ANO2: variants seen among roughly 807,000 people sequenced by gnomAD.
ANO2 encodes the protein anoctamin 2.
Under a neutral mutation model 124.2 loss-of-function variants are expected in ANO2, and 101 were observed. That is an observed-to-expected ratio of 0.81 (90% CI 0.69 to 0.96). The LOEUF (loss-of-function observed/expected upper bound fraction) is 0.96. Ranked by LOEUF, ANO2 falls within the 40% of genes least tolerant of loss-of-function variation. The pLI is 0.00. For synonymous variants in ANO2, 486 were observed against 482.5 expected (o/e 1.01, Z -0.09); for missense variants, 1,293 against 1,274.5 (o/e 1.01, Z -0.22).
At chr12:5,762,808 C>T (rs376243976) in intron 10 of ANO2, among the ~76,000 whole-genome samples, 1 of 151,254 alleles carries the variant, frequency 6.6e-6, no homozygotes, top group East Asian at 1.9e-4. Context: ...TCAAGACTTT[C>T]TTGGAGTATT....
intron 14 of ANO2, among the ~76,000 whole-genome samples, chr12:5,694,972 A>T (rs1316498093): frequency 6.6e-6 from 1 of 152,136 alleles, no homozygotes; most frequent in East Asian, 1.9e-4. Context: ...AGATGAAGTG[A>T]GTTGGCACTT....
chr12:5,582,780 T>G (rs1942821878), intron 20 of ANO2, among the ~76,000 whole-genome samples: 1 of 152,214 alleles, frequency 6.6e-6, no homozygotes, highest in African/African-American at 2.4e-5. Context: ...TTTCTGAGCC[T>G]TGGTACATGC....
At position 5,594,600 on chromosome 12, in the gene ANO2, C is replaced by A. The variant is rs145304327; in HGVS notation, c.2233+4884G>T. Among the ~76,000 whole-genome samples, 409 of 152,306 alleles carry A rather than the reference C, an allele frequency of 2.7e-3. 4 individuals are homozygous for A. Among genetic ancestry groups the A allele is most frequent in the African/African-American group, 9.5e-3 (396 of 41,564 alleles). On this transcript the variant is annotated intron_variant, in intron 20 of 24. Transcript: ENST00000682330. ...CCTGTAATCCCAGCAATTTCAGAGG[C>A]CAAGGCGGGAGGATTGCTTGAGTTC...
intron 23 of ANO2, among the ~76,000 whole-genome samples, chr12:5,571,738 G>A (rs1483834602): frequency 6.6e-6 from 1 of 151,580 alleles, no homozygotes; most frequent in Non-Finnish European, 1.5e-5. Flanking sequence ...ACACATATAT[G>A]TATACGGAAT....
intron 10 of ANO2, among the ~76,000 whole-genome samples, chr12:5,768,357 C>T (rs750833666): frequency 3.4e-4 from 52 of 152,176 alleles, no homozygotes; most frequent in African/African-American, 7.2e-5. Flanking sequence ...CATATTCCCG[C>T]CACCCCATTC....
chr12:5,662,001 C>G (rs1178614686), intron 14 of ANO2, among the ~76,000 whole-genome samples: 1 of 152,344 alleles, frequency 6.6e-6, no homozygotes, highest in Non-Finnish European at 1.5e-5. Context: ...GCCAACTCGC[C>G]AACTGGCTCC....
chr12:5,907,401 T>C (rs1940771989), intron 3 of ANO2, among the ~76,000 whole-genome samples: 1 of 152,246 alleles, frequency 6.6e-6, no homozygotes, highest in African/African-American at 2.4e-5. Context: ...AAACTCATAA[T>C]CATGGTATTC....
chr12:5,885,915 C>T (rs1056866896), intron 3 of ANO2, among the ~76,000 whole-genome samples: 4 of 151,916 alleles, frequency 2.6e-5, no homozygotes, highest in African/African-American at 9.7e-5. Flanking sequence ...ATCTGTCTTC[C>T]TGGAGATCTG....
intron 14 of ANO2, among the ~76,000 whole-genome samples, chr12:5,706,681 T>C (rs1336595354): frequency 6.6e-6 from 1 of 152,218 alleles, no homozygotes; most frequent in Non-Finnish European, 1.5e-5. Flanking sequence ...CTGTCTGTCC[T>C]CCTGCCACTG....
At chr12:5,609,855 C>T (rs948274486) in intron 19 of ANO2, among the ~76,000 whole-genome samples, 3 of 146,118 alleles carry the variant, frequency 2.1e-5, no homozygotes, top group Non-Finnish European at 4.5e-5. Context: ...TAGTCTATTG[C>T]TTGTTTAGAA....
intron 14 of ANO2, among the ~76,000 whole-genome samples, chr12:5,716,101 TA>T (rs1950013113): frequency 6.6e-6 from 1 of 152,212 alleles, no homozygotes; most frequent in Non-Finnish European, 1.5e-5. Context: ...GGAGATGAAA[TA>T]ATAGCTGATT....
At chr12:5,779,078 T>A (rs1050679729) in intron 10 of ANO2, among the ~76,000 whole-genome samples, 1 of 152,222 alleles carries the variant, frequency 6.6e-6, no homozygotes, top group African/African-American at 2.4e-5. Context: ...AAGAGTTGAA[T>A]CAAATGACCT....
chr12:5,565,436 A>C (rs1324830961), intron 24 of ANO2, 122 bp downstream of exon 24: 30 of 879,434 alleles, frequency 3.4e-5, no homozygotes, highest in Non-Finnish European at 4.2e-5. Context: ...CCTGCCACAC[A>C]TGAAGCTTTC....
At chr12:5,801,710 G>T (rs1041049726) in intron 9 of ANO2, among the ~76,000 whole-genome samples, 2 of 152,230 alleles carry the variant, frequency 1.3e-5, no homozygotes, top group African/African-American at 2.4e-5. Context: ...CACTCGCAAT[G>T]GAGGAAACCC....
intron 14 of ANO2, among the ~76,000 whole-genome samples, chr12:5,648,849 G>A (rs1217699442): frequency 6.6e-6 from 1 of 152,158 alleles, no homozygotes; most frequent in African/African-American, 2.4e-5. Context: ...AGCGGTGAGC[G>A]CTCCAGGGCC....
At chr12:5,643,470 G>A (rs73269212) in intron 15 of ANO2, among the ~76,000 whole-genome samples, 3,424 of 152,106 alleles carry the variant, frequency 0.023, 131 homozygotes, top group African/African-American at 0.079. Context: ...CATTTGGACT[G>A]TTTCCAGGTT....
intron 13 of ANO2, among the ~76,000 whole-genome samples, chr12:5,736,107 G>C (rs1950851258): frequency 6.6e-6 from 1 of 152,226 alleles, no homozygotes; most frequent in African/African-American, 2.4e-5. Context: ...AGGATCAGAG[G>C]AGTCCTTCAA....
intron 3 of ANO2, among the ~76,000 whole-genome samples, chr12:5,889,128 G>A (rs1212341222): frequency 2.0e-5 from 3 of 152,218 alleles, no homozygotes; most frequent in African/African-American, 7.2e-5. Context: ...CGGCGGGCCG[G>A]CTGGTTGCTC....
chr12:5,875,313 C>T (rs765120852), intron 3 of ANO2, among the ~76,000 whole-genome samples: 3 of 152,238 alleles, frequency 2.0e-5, no homozygotes, highest in Admixed American at 6.5e-5. Flanking sequence ...GCAAGAAGAT[C>T]CACCCACACA....
Sources: gnomAD v4.1 joint callset for allele counts (sites outside exome capture counted in the v4.1 genomes callset) on GRCh38, gnomAD v4.1.1 for gene constraint, MANE v1.5 for transcripts, NCBI Gene and HGNC (gene_info 2026-07-23, HGNC 2026-07-21) for gene names.